Variants in TELO2 observed in about 807,000 individuals in gnomAD.
TELO2 encodes telomere length regulation protein TEL2 homolog.
TELO2 carries 71 observed loss-of-function variants against 91.0 expected under a neutral mutation model. The observed-to-expected ratio is 0.78, with a 90% CI of 0.64 to 0.95. The LOEUF is 0.95. Ranked by LOEUF, TELO2 falls within the 40% of genes least tolerant of loss-of-function variation. TELO2 has a pLI of 0.00. For synonymous variants in TELO2, 584 were observed against 518.9 expected (o/e 1.13, Z -1.71); for missense variants, 1,183 against 1,141.3 (o/e 1.04, Z -0.53).
chr16:1,494,189 C>T lies in TELO2; in HGVS notation c.-36-57C>T. The T allele has an allele frequency of 3.9e-6, 5 of 1,293,994 alleles. No homozygotes were observed. In the South Asian group the frequency reaches 4.0e-5, roughly 10 times the overall value. The allele number at this position is 1,293,994 out of a possible 1,614,324, so 80.2% of individuals were successfully genotyped here. A position where few individuals can be genotyped will look rare whatever the true frequency, so the allele number is the denominator to read the frequency against. ...CTCGGGGCGCTCACCGAGGGGCTTCCTGAGCTTGTGTGGATTATTTCCGTG... is the reference window on the plus strand; with the variant it reads ...CTCGGGGCGCTCACCGAGGGGCTTCTTGAGCTTGTGTGGATTATTTCCGTG... On this transcript the variant is annotated intron_variant, in intron 1 of 20. Coordinates refer to ENST00000262319, the MANE Select transcript of TELO2 (RefSeq NM_016111.4). This position sits in a 1 kb window ranked among gnomAD's most constrained non-coding sequence, Gnocchi z 5.6.
intron 5 of TELO2, among the ~76,000 whole-genome samples, chr16:1,498,346 T>G (rs574615984): frequency 3.3e-4 from 51 of 152,294 alleles, no homozygotes; most frequent in African/African-American, 1.2e-3. Context: ...GGTGAGGGTG[T>G]GTGTGTGTTT....
At chr16:1,501,383 C>T in intron 9 of TELO2, 37 bp from the exon 10 acceptor site, 1 of 1,600,112 alleles carries the variant, frequency 6.2e-7, no homozygotes, top group South Asian at 1.1e-5. Flanking sequence ...GGCGCTGCAG[C>T]CTGGCGGATG....
chr16:1,509,238 G>A (rs2040027497), intron 20 of TELO2, among the ~76,000 whole-genome samples: 1 of 152,128 alleles, frequency 6.6e-6, no homozygotes, highest in Admixed American at 6.5e-5. Flanking sequence ...GTCCCGACAG[G>A]GTGTTCTCCT....
In TELO2 at chr16:1,501,550, T is replaced by C. The variant is rs775962080; in HGVS notation, c.1361+51T>C. On this transcript the variant is annotated intron_variant, in intron 10 of 20. Transcript: ENST00000262319. Reference sequence around the variant, plus strand: ...CCACCGCGTGCACATCTTACTGCTCTGGATTCCGCTGCCGGGATGGGAGGG... The same window carrying C: ...CCACCGCGTGCACATCTTACTGCTCCGGATTCCGCTGCCGGGATGGGAGGG... The C allele has an allele frequency of 1.0e-5, 16 of 1,573,366 alleles. No homozygotes were observed. The Admixed American group carries it at 2.7e-4, about 26-fold the overall frequency.
In TELO2 at chr16:1,495,465, T is replaced by C. The variant is rs892178086; in HGVS notation, c.455T>C (p.Leu152Pro). The C allele has an allele frequency of 1.2e-6, 2 of 1,609,724 alleles. No individual in the cohort carries two copies. The highest frequency in any genetic ancestry group is 2.7e-5 in the African/African-American group (2 of 75,002). The change falls in exon 3 of 21, where the codon CTC (leucine) becomes CCC (proline). Residue 152 changes from leucine (L) to proline (P), a missense_variant. Coordinates refer to ENST00000262319, the MANE Select transcript of TELO2 (RefSeq NM_016111.4). ...CAGACGCAGCCCGGCTTCATCCTGC[T>C]CCGGGAGACGCTGCTGGGCAAGGTG... ...RQQTQPGFIL[L>P]RETLLGKVVA... is the part of the protein sequence containing the mutation.
intron 5 of TELO2, among the ~76,000 whole-genome samples, chr16:1,498,068 C>G (rs1265908609): frequency 6.6e-6 from 1 of 150,656 alleles, no homozygotes; most frequent in African/African-American, 2.4e-5. Context: ...CCAGGCTGGA[C>G]TGCAACGGTG....
In TELO2 at chr16:1,497,689, C is replaced by T. The variant is rs2039543810; in HGVS notation, c.830+181C>T. The stretch of plus-strand genomic sequence containing the variant: ...CACGTGCTGATGGTGACCTCTGTAT[C>T]AGAGGGTCCCTTTCTCTTATGAAAT... On this transcript the variant is annotated intron_variant, in intron 5 of 20. Coordinates refer to ENST00000262319, the MANE Select transcript of TELO2 (RefSeq NM_016111.4). This position sits in a 1 kb window ranked among gnomAD's most constrained non-coding sequence, Gnocchi z 4.0. Among the ~76,000 whole-genome samples the T allele has an allele frequency of 1.3e-5, 2 of 152,212 alleles. No individual in the cohort carries two copies. The highest frequency in any genetic ancestry group is 1.3e-4 in the Admixed American group (2 of 15,280).
chr16:1,502,286 A>G, intron 12 of TELO2, 27 bp from the exon 13 acceptor site: 2 of 1,582,714 alleles, frequency 1.3e-6, no homozygotes, highest in African/African-American at 1.3e-5. Flanking sequence ...GCTGAGGCTG[A>G]CCGAGGCCTC....
chr16:1,507,513 G>A lies in TELO2; in HGVS notation c.2292-88G>A, dbSNP rs554431763. ...AATAGGAAGTGTGCCAGGCAGGGCC[G>A]CAGCGTGGGTGGTCTGCCACACTGA... On this transcript the variant is annotated intron_variant, in intron 19 of 20. Transcript: ENST00000262319. 21 of 1,471,136 alleles carry A rather than the reference G, an allele frequency of 1.4e-5. No individual in the cohort carries two copies. The South Asian group carries it at 2.3e-4, about 16-fold the overall frequency. 91.1% of individuals were successfully genotyped at this position (1,471,136 alleles called of 1,614,324 possible).
At position 1,505,900 on chromosome 16, in the gene TELO2, G is replaced by A. The variant is rs541299026; in HGVS notation, c.2034+299G>A. ...TTGCTCCACCTGAGGATGTTTAGGG[G>A]CGTCTGGAGATGTTTTTGGTTGTCA... On this transcript the variant is annotated intron_variant, in intron 16 of 20. Transcript: ENST00000262319. This position sits in a 1 kb window ranked among gnomAD's most constrained non-coding sequence, Gnocchi z 4.3. 6.6e-6 allele frequency among the ~76,000 whole-genome samples: 1 copy of A among 152,216 alleles called. No homozygotes were observed. The highest frequency in any genetic ancestry group is 2.1e-4 in the South Asian group (1 of 4,832).
In TELO2 at chr16:1,505,515, G is replaced by T. The variant is rs777365699; in HGVS notation, c.1948G>T (p.Val650Phe). 1 of 1,613,070 alleles carries T rather than the reference G, an allele frequency of 6.2e-7. No homozygotes were observed. Among genetic ancestry groups the T allele is most frequent in the Non-Finnish European group, 8.5e-7 (1 of 1,179,982 alleles). ...CACCCCGTGCCTGCCAGAGGCAGCC[G>T]TCTCTCAGCCTGGCAGTGCCGTGGC... ...PNTPCLPEAA[V>F]SQPGSAVASD... is the part of the protein sequence containing the mutation. Residue 650 changes from valine (V) to phenylalanine (F), a missense_variant, in exon 16 of 21, where the codon GTC (valine) becomes TTC (phenylalanine). Transcript: ENST00000262319. The surrounding 1 kb of genome is among the most constrained non-coding windows in gnomAD (Gnocchi z 4.3).
At chr16:1,495,775 G>A in intron 3 of TELO2, 152 bp downstream of exon 3, 2 of 1,149,260 alleles carry the variant, frequency 1.7e-6, no homozygotes, top group Non-Finnish European at 2.4e-6. Flanking sequence ...GCACAGTAGT[G>A]ACCGGCAGGG....
Position 1,497,260 on chromosome 16 carries a change from C to T in TELO2, c.683-101C>T. The T allele has an allele frequency of 1.3e-6, 2 of 1,489,982 alleles. No individual in the cohort carries two copies. Among genetic ancestry groups the T allele is most frequent in the Non-Finnish European group, 1.8e-6 (2 of 1,112,454 alleles). The allele number at this position is 1,489,982 out of a possible 1,614,324, so 92.3% of individuals were successfully genotyped here. A position where few individuals can be genotyped will look rare whatever the true frequency, so the allele number is the denominator to read the frequency against. On this transcript the variant is annotated intron_variant, in intron 4 of 20. Coordinates refer to ENST00000262319, the MANE Select transcript of TELO2 (RefSeq NM_016111.4). This position sits in a 1 kb window ranked among gnomAD's most constrained non-coding sequence, Gnocchi z 4.0. ...CCGTGGGATCTGGGGCTCAGCTGTGCTTACTGGGGAGCTGTGGGACTGTCC... is the reference window on the plus strand; with the variant it reads ...CCGTGGGATCTGGGGCTCAGCTGTGTTTACTGGGGAGCTGTGGGACTGTCC...
chr16:1,506,864 G>A (rs1306225483), intron 17 of TELO2, 88 bp from the exon 18 acceptor site: 5 of 1,462,276 alleles, frequency 3.4e-6, no homozygotes, highest in African/African-American at 1.4e-5. Context: ...GCTGTGTGGG[G>A]CTCCCTCGGT....
At chr16:1,507,512 C>G in intron 19 of TELO2, 89 bp from the exon 20 acceptor site, 2 of 1,479,922 alleles carry the variant, frequency 1.4e-6, no homozygotes, top group Non-Finnish European at 9.1e-7. Context: ...CAGGCAGGGC[C>G]GCAGCGTGGG....
At chr16:1,506,055 G>A (rs1181841709) in intron 16 of TELO2, among the ~76,000 whole-genome samples, 183 bp from the exon 17 acceptor site, 1 of 152,238 alleles carries the variant, frequency 6.6e-6, no homozygotes, top group Admixed American at 6.5e-5. Flanking sequence ...GGCATTGGCC[G>A]CGGAGCCTGA....
chr16:1,499,344 CA>C lies in TELO2; in HGVS notation c.933+12del, dbSNP rs780740357. 6.7e-7 allele frequency: 1 copy of C among 1,486,112 alleles called. No individual in the cohort carries two copies. Among genetic ancestry groups the C allele is most frequent in the Non-Finnish European group, 9.0e-7 (1 of 1,112,314 alleles). 92.1% of individuals were successfully genotyped at this position (1,486,112 alleles called of 1,614,324 possible). A position where few individuals can be genotyped will look rare whatever the true frequency, so the allele number is the denominator to read the frequency against. On this transcript the variant is annotated intron_variant, in intron 6 of 20. Coordinates refer to ENST00000262319, the MANE Select transcript of TELO2 (RefSeq NM_016111.4). ...CAGTCCCGGCTCACGGTGAGGACGC[CA>C]CGGAGGGTGCAGGCTGCTGGCTGCC...
In TELO2 at chr16:1,501,573, G is replaced by T. The variant is rs2039680420; in HGVS notation, c.1361+74G>T. The T allele has an allele frequency of 4.5e-6, 7 of 1,565,280 alleles. No homozygotes were observed. In the Admixed American group the frequency reaches 9.0e-5, roughly 20 times the overall value. ...TCTGGATTCCGCTGCCGGGATGGGA[G>T]GGGGGAAACCCTTTCTTTCTGTCCT... is the stretch of plus-strand genomic sequence containing the variant. On this transcript the variant is annotated intron_variant, in intron 10 of 20. Coordinates refer to ENST00000262319, the MANE Select transcript of TELO2 (RefSeq NM_016111.4).
chr16:1,493,473 C>G lies in TELO2; in HGVS notation c.-169C>G, dbSNP rs886323724. ...GGAGCCTCGCCCGGACCCAGGAACT[C>G]GTGCTCGGGGCCAACCGGCTGGGCC... On this transcript the variant is annotated 5_prime_UTR_variant, in exon 1 of 21. Transcript: ENST00000262319. This position sits in a 1 kb window ranked among gnomAD's most constrained non-coding sequence, Gnocchi z 4.3. The G allele has an allele frequency of 6.6e-6, 1 of 152,270 alleles. No homozygotes were observed. The highest frequency in any genetic ancestry group is 1.5e-5 in the Non-Finnish European group (1 of 68,052). The allele number at this position is 152,270 out of a possible 1,614,324, so 9.4% of individuals were successfully genotyped here.
Sources: gnomAD v4.1 joint callset for allele counts (sites outside exome capture counted in the v4.1 genomes callset) on GRCh38, gnomAD v4.1.1 for gene constraint, Gnocchi (gnomAD v3.1) non-coding constraint, MANE v1.5 for transcripts, NCBI Gene and HGNC (gene_info 2026-07-23, HGNC 2026-07-21) for gene names.